CDH2: variants seen among roughly 807,000 people sequenced by gnomAD.
CDH2 encodes cadherin-2.
A neutral mutation model predicts 92.0 loss-of-function variants in CDH2; 17 were observed. The observed-to-expected ratio is 0.18, with a 90% CI of 0.13 to 0.28. The LOEUF (loss-of-function observed/expected upper bound fraction) is 0.28. CDH2 is among the 10% of genes least tolerant of loss of function. The probability of loss-of-function intolerance (pLI) is 1.00; values close to 1 mark genes in which losing one functional copy is unlikely to be tolerated. For synonymous variants in CDH2, 419 were observed against 415.9 expected (o/e 1.01, Z -0.09); for missense variants, 862 against 1,133.1 (o/e 0.76, Z 3.44).
At chr18:28,018,892 T>C (rs923663972) in intron 2 of CDH2, among the ~76,000 whole-genome samples, 1 of 149,562 alleles carries the variant, frequency 6.7e-6, no homozygotes, top group African/African-American at 2.4e-5. Flanking sequence ...TATATATATA[T>C]GTACATATAT....
chr18:28,038,747 C>T (rs868451828), intron 2 of CDH2, among the ~76,000 whole-genome samples: 1 of 152,048 alleles, frequency 6.6e-6, no homozygotes, highest in African/African-American at 2.4e-5. Context: ...AGCCTTGTTT[C>T]GTGTTTTCTC....
chr18:28,058,768 T>C (rs1349999317), intron 2 of CDH2, among the ~76,000 whole-genome samples: 1 of 152,194 alleles, frequency 6.6e-6, no homozygotes, highest in African/African-American at 2.4e-5. Flanking sequence ...TGTTCTGTTT[T>C]ATAGATTTGG....
At chr18:27,946,619 T>C (rs919581041), downstream of CDH2, among the ~76,000 whole-genome samples, 18 of 152,136 alleles carry the variant, frequency 1.2e-4, no homozygotes, top group East Asian at 1.9e-4. Flanking sequence ...ATCCAGAGCA[T>C]AGGAAAAATG....
chr18:27,982,404 C>T (rs2012084276), intron 14 of CDH2, among the ~76,000 whole-genome samples: 1 of 152,112 alleles, frequency 6.6e-6, no homozygotes, highest in African/African-American at 2.4e-5. Flanking sequence ...CTATGACAGA[C>T]ACTATAAATA....
chr18:28,085,264 A>G (rs1206197999), intron 2 of CDH2, among the ~76,000 whole-genome samples: 1 of 152,056 alleles, frequency 6.6e-6, no homozygotes, highest in East Asian at 1.9e-4. Context: ...TCTACTTAGC[A>G]GTCTCTTTCT....
Position 28,128,548 on chromosome 18 carries a change from T to C in CDH2, c.172+19125A>G, listed in dbSNP as rs376186805. Among the ~76,000 whole-genome samples, 12 of 151,970 alleles carry C rather than the reference T, an allele frequency of 7.9e-5. No individual in the cohort carries two copies. In the East Asian group the frequency reaches 1.9e-3, roughly 25 times the overall value. ...AAAAAACAAATAACAAACAAACAAT[T>C]AGCTGGGCATGCCTGTAGTCCCAGC... On this transcript the variant is annotated intron_variant, in intron 2 of 15. Transcript: ENST00000269141.
At chr18:28,123,876 C>T (rs1335144749) in intron 2 of CDH2, among the ~76,000 whole-genome samples, 1 of 152,122 alleles carries the variant, frequency 6.6e-6, no homozygotes, top group African/African-American at 2.4e-5. Flanking sequence ...CAGCAATTTA[C>T]ACTAAGTAGT....
At chr18:28,099,995 TG>T (rs2144230380) in intron 2 of CDH2, among the ~76,000 whole-genome samples, 1 of 152,294 alleles carries the variant, frequency 6.6e-6, no homozygotes, top group South Asian at 2.1e-4. Flanking sequence ...TTAATTTCTA[TG>T]ATGAGCATTC....
In CDH2 at chr18:27,997,770, G is replaced by A. The variant is rs371945632; in HGVS notation, c.1021-4133C>T. 1.7e-4 allele frequency among the ~76,000 whole-genome samples: 26 copies of A among 152,118 alleles called. No individual in the cohort carries two copies. In the East Asian group the frequency reaches 3.7e-3, roughly 22 times the overall value. ...CAGAGAGTTGAATAACAATGTCACCGAAACTTAGGAGGGAAGTATAGATTT... is the reference window on the plus strand; with the variant it reads ...CAGAGAGTTGAATAACAATGTCACCAAAACTTAGGAGGGAAGTATAGATTT... On this transcript the variant is annotated intron_variant, in intron 7 of 15. Transcript: ENST00000269141.
intron 15 of CDH2, among the ~76,000 whole-genome samples, chr18:27,953,278 T>C (rs2143855586): frequency 6.6e-6 from 1 of 152,300 alleles, no homozygotes; most frequent in South Asian, 2.1e-4. Context: ...TCTATATTTG[T>C]AACTTTTGTA....
intron 2 of CDH2, among the ~76,000 whole-genome samples, chr18:28,014,112 A>G (rs936941122): frequency 2.6e-5 from 4 of 152,112 alleles, no homozygotes; most frequent in African/African-American, 9.7e-5. Context: ...GCTGTGCCCT[A>G]GCATTTCCTT....
At chr18:27,974,135 C>T (rs2011747600) in intron 14 of CDH2, among the ~76,000 whole-genome samples, 1 of 152,122 alleles carries the variant, frequency 6.6e-6, no homozygotes, top group African/African-American at 2.4e-5. Context: ...CTCATTTAAG[C>T]AATATAAAAC....
intron 8 of CDH2, among the ~76,000 whole-genome samples, chr18:27,993,164 A>T (rs1481049653): frequency 1.3e-5 from 2 of 152,220 alleles, no homozygotes; most frequent in African/African-American, 4.8e-5. Context: ...CCAGATATGG[A>T]TAATTATATG....
chr18:28,075,287 G>A (rs536401761), intron 2 of CDH2, among the ~76,000 whole-genome samples: 1 of 152,266 alleles, frequency 6.6e-6, no homozygotes, highest in East Asian at 1.9e-4. Context: ...CAATATGAGT[G>A]CACAGAGTGC....
At chr18:28,042,533 A>G (rs2013967796) in intron 2 of CDH2, among the ~76,000 whole-genome samples, 1 of 152,176 alleles carries the variant, frequency 6.6e-6, no homozygotes. Context: ...TCACTTTAAC[A>G]TACCTTATAA....
chr18:28,172,277 T>A (rs1454215763), intron 1 of CDH2, among the ~76,000 whole-genome samples: 2 of 152,152 alleles, frequency 1.3e-5, no homozygotes, highest in South Asian at 2.1e-4. Flanking sequence ...TAAATCTACA[T>A]CTTTCAAAAA....
At chr18:28,000,299 G>A (rs1365141516) in intron 7 of CDH2, among the ~76,000 whole-genome samples, 10 of 151,986 alleles carry the variant, frequency 6.6e-5, no homozygotes, top group Admixed American at 2.6e-4. Context: ...ATGGGGTTTC[G>A]CCATGTTGTC....
chr18:28,174,291 G>A (rs2016505724), intron 1 of CDH2, among the ~76,000 whole-genome samples: 1 of 152,084 alleles, frequency 6.6e-6, no homozygotes, highest in Non-Finnish European at 1.5e-5. Flanking sequence ...GCAGCTGACT[G>A]CAGGACAGCC....
intron 2 of CDH2, among the ~76,000 whole-genome samples, chr18:28,101,312 A>AC: frequency 6.6e-6 from 1 of 152,248 alleles, no homozygotes; most frequent in Non-Finnish European, 1.5e-5. Context: ...TAAAGTATAC[A>AC]CAAAAACTCT....
Sources: allele counts gnomAD v4.1 joint callset (sites outside exome capture counted in the v4.1 genomes callset), GRCh38; gene constraint gnomAD v4.1.1; transcripts MANE v1.5; gene names NCBI Gene and HGNC (gene_info 2026-07-23, HGNC 2026-07-21).